The following TSPYL2 variants were observed in gnomAD, a reference collection of about 807,000 sequenced individuals.
TSPYL2 encodes testis-specific Y-encoded-like protein 2.
A neutral mutation model predicts 33.0 loss-of-function variants in TSPYL2; 9 were observed. The ratio of observed to expected loss-of-function variants is 0.27; its 90% CI spans 0.16 to 0.48. TSPYL2 has a LOEUF of 0.48. Ranked by LOEUF, TSPYL2 falls within the 20% of genes least tolerant of loss-of-function variation. TSPYL2 has a pLI of 0.99. For missense variants in TSPYL2, 636 were observed against 586.2 expected, an observed-to-expected ratio of 1.08 and a Z score of -0.88; for synonymous variants, 330 against 233.6, an observed-to-expected ratio of 1.41 and a Z score of -3.77.
In TSPYL2 at chrX:53,084,559, C is replaced by T. The variant is rs368837947; in HGVS notation, c.822C>T (p.Pro274=). The T allele has an allele frequency of 9.4e-6, 11 of 1,171,743 alleles. No individual in the cohort carries two copies. Among genetic ancestry groups the T allele is most frequent in the South Asian group, 4.0e-5 (2 of 50,424 alleles). ...GFWVKAFLNH[P]RISILINRRD... ...CCACTCATCAGTTCCTCAACCACCC[C>T]AGAATTTCAATTTTGATCAACCGAC... is the stretch of plus-strand genomic sequence containing the variant. The change falls in exon 2 of 7, where the codon CCC becomes CCT. Residue 274 remains proline, a synonymous_variant. Coordinates refer to ENST00000375442, the MANE Select transcript of TSPYL2 (RefSeq NM_022117.4).
chrX:53,085,991 C>A lies in TSPYL2; in HGVS notation c.1599C>A (p.Asn533Lys), dbSNP rs782532031. Residue 533 changes from asparagine to lysine, a missense_variant, in exon 6 of 7, where the codon AAC becomes AAA. Physicochemically the swap from Asn to Lys is moderately conservative, Grantham distance 94. This residue lies in a region of TSPYL2 where 401 missense variants were observed against 363.0 expected (regional missense o/e 1.10). Transcript: ENST00000375442. ...CTGATGACAACGAAGAGAACCCTAA[C>A]AACAACGAGAACACTTACGGCAACA... is the stretch of plus-strand genomic sequence containing the variant. ...KNTDDNEENPNNNENTYGNNF... is the reference protein window; with the variant it reads ...KNTDDNEENPKNNENTYGNNF... 5.1e-6 allele frequency: 6 copies of A among 1,187,256 alleles called. No individual in the cohort carries two copies. In the African/African-American group the frequency reaches 7.0e-5, roughly 14 times the overall value.
chrX:53,087,554 C>G, intron 6 of TSPYL2: 1 of 415,466 alleles, frequency 2.4e-6, no homozygotes, highest in Non-Finnish European at 4.2e-6. Flanking sequence ...GCAGGGATCC[C>G]ACACTGCCTT....
Position 53,087,740 on chromosome X carries a change from C to T in TSPYL2, c.1919-36C>T, listed in dbSNP as rs1287677796. ...ACCTATCTGCTCATCTAACTGCCTT[C>T]CTCCATTTCCCCTTCCTTGCTTCTC... is the stretch of plus-strand genomic sequence containing the variant. On this transcript the variant is annotated intron_variant, in intron 6 of 6. Coordinates refer to ENST00000375442, the MANE Select transcript of TSPYL2 (RefSeq NM_022117.4). 9 of 1,176,575 alleles carry T rather than the reference C, an allele frequency of 7.6e-6. No individual in the cohort carries two copies. The East Asian group carries it at 2.8e-4, about 36-fold the overall frequency.
chrX:53,082,594 G>A lies in TSPYL2; in HGVS notation c.96G>A (p.Pro32=). ...ACCCGCCCCCGCCGCCGCCGCCGCC[G>A]CCGCTCCTCCGACTGCCGCTGCCTC... ...QRDPPPPPPP[P]PLLRLPLPPP... Residue 32 remains proline (P), a synonymous_variant, in exon 1 of 7, where the codon CCG becomes CCA. Coordinates refer to ENST00000375442, the MANE Select transcript of TSPYL2 (RefSeq NM_022117.4). 2 of 1,153,017 alleles carry A rather than the reference G, an allele frequency of 1.7e-6. No homozygotes were observed. The highest frequency in any genetic ancestry group is 2.3e-6 in the Non-Finnish European group (2 of 870,043).
intron 6 of TSPYL2, 92 bp from the exon 7 acceptor site, chrX:53,087,684 G>A: frequency 1.0e-6 from 1 of 1,003,401 alleles, no homozygotes; most frequent in Non-Finnish European, 1.4e-6. Context: ...TAAAAACCCT[G>A]GCTATGGTCT....
At position 53,082,869 on chromosome X, in the gene TSPYL2, CG is replaced by C. The variant is rs782157673; in HGVS notation, c.378del (p.Ser127AlafsTer20). 1 of 1,209,016 alleles carries C rather than the reference CG, an allele frequency of 8.3e-7. No individual in the cohort carries two copies. The highest frequency in any genetic ancestry group is 1.1e-6 in the Non-Finnish European group (1 of 894,542). On this transcript the variant is annotated frameshift_variant, in exon 1 of 7. Coordinates refer to ENST00000375442, the MANE Select transcript of TSPYL2 (RefSeq NM_022117.4). LOFTEE classifies it high-confidence loss of function. ...GAAGCACTCCCCACTCCTGAGGCCT[CG>C]GGGGGGAGCCTGGAAATCGATTTTC... ...SLEALPTPEASGGSLEIDFQV... is the reference protein window; with the variant it reads ...SLEALPTPEAXGGSLEIDFQV...
chrX:53,084,660 C>T (rs1487303813), intron 2 of TSPYL2, 38 bp downstream of exon 2: 5 of 1,192,653 alleles, frequency 4.2e-6, no homozygotes, highest in Non-Finnish European at 4.5e-6. Context: ...GGATCGGGCA[C>T]GAATCTGGTT....
In TSPYL2 at chrX:53,085,770, G is replaced by A. The variant is rs1556808386; in HGVS notation, c.1378G>A (p.Asp460Asn). ...GATCTCTGACTTCATGGAGACCACC[G>A]ACTACTTCGAGACCACTGACAATGA... ...IKISDFMETTDYFETTDNEIT... is the reference protein window; with the variant it reads ...IKISDFMETTNYFETTDNEIT... Residue 460 changes from aspartate (D) to asparagine (N), a missense_variant, in exon 6 of 7, where the codon GAC becomes AAC. By Grantham distance (23) the Asp-to-Asn change is conservative (BLOSUM62 1). Transcript: ENST00000375442. 6 of 1,211,343 alleles carry A rather than the reference G, an allele frequency of 5.0e-6. No individual in the cohort carries two copies. The East Asian group carries it at 1.2e-4, about 24-fold the overall frequency.
chrX:53,083,327 C>T (rs372502612), intron 1 of TSPYL2, 22 bp downstream of exon 1: 17 of 1,169,984 alleles, frequency 1.5e-5, no homozygotes, highest in Admixed American at 2.2e-5. Context: ...ATCGATACTC[C>T]GTAGGTCAGA....
At chrX:53,083,837 T>C (rs1164935446) in intron 1 of TSPYL2, among the ~76,000 whole-genome samples, 1 of 110,602 alleles carries the variant, frequency 9.0e-6, no homozygotes, top group Non-Finnish European at 1.9e-5. Context: ...GTGCCTTGCA[T>C]TGGAGGGAGG....
Position 53,087,957 on chromosome X carries a change from G to T in TSPYL2, c.*18G>T. The T allele has an allele frequency of 8.3e-7, 1 of 1,205,572 alleles. No homozygotes were observed. Among genetic ancestry groups the T allele is most frequent in the Non-Finnish European group, 1.1e-6 (1 of 891,477 alleles). On this transcript the variant is annotated 3_prime_UTR_variant, in exon 7 of 7. Coordinates refer to ENST00000375442, the MANE Select transcript of TSPYL2 (RefSeq NM_022117.4). Reference sequence around the variant, plus strand: ...CCGGATAAGGGTTTTCCCCTTTTGGGGATCACCTCTCTGTATCCCCCACCC... The same window carrying T: ...CCGGATAAGGGTTTTCCCCTTTTGGTGATCACCTCTCTGTATCCCCCACCC...
At position 53,084,946 on chromosome X, in the gene TSPYL2, C is replaced by G. The variant is rs782424089; in HGVS notation, c.998-8C>G. 3 of 1,208,726 alleles carry G rather than the reference C, an allele frequency of 2.5e-6. No homozygotes were observed. Among genetic ancestry groups the G allele is most frequent in the Non-Finnish European group, 3.4e-6 (3 of 893,553 alleles). ...TTGTCCCATCTCCATAGCCTTCTCT[C>G]TCCCTAGGCCGGCTGGTGTCTCACT... On this transcript the variant is annotated splice_region_variant and splice_polypyrimidine_tract_variant and intron_variant, in intron 3 of 6. Transcript: ENST00000375442.
intron 1 of TSPYL2, 57 bp from the exon 2 acceptor site, chrX:53,084,488 C>T (rs1192502984): frequency 9.8e-7 from 1 of 1,025,115 alleles, no homozygotes. Context: ...TCCTGGCCTT[C>T]CCTCCCTCCC....
chrX:53,088,364 C>G lies in TSPYL2; in HGVS notation c.*425C>G, dbSNP rs113408339. On this transcript the variant is annotated 3_prime_UTR_variant, in exon 7 of 7. Transcript: ENST00000375442. The stretch of plus-strand genomic sequence containing the variant: ...GGAGGCGCTGCTGCCACCTTCCTCT[C>G]CCAAGTTCTTTCTCCATCCCTCTCC... The G allele has an allele frequency of 5.4e-5, 7 of 129,472 alleles. No homozygotes were observed. The highest frequency in any genetic ancestry group is 2.2e-4 in the African/African-American group (7 of 31,746). 10.7% of individuals were successfully genotyped at this position (129,472 alleles called of 1,213,427 possible). A position where few individuals can be genotyped will look rare whatever the true frequency, so the allele number is the denominator to read the frequency against.
Position 53,082,635 on chromosome X carries a change from C to T in TSPYL2, c.137C>T (p.Pro46Leu). Residue 46 changes from proline to leucine, a missense_variant, in exon 1 of 7, where the codon CCG becomes CTG. Transcript: ENST00000375442. ...RLPLPPPQQR[P>L]RLQEETEAAQ... The stretch of plus-strand genomic sequence containing the variant: ...CCGCTGCCTCCACCCCAGCAGCGCC[C>T]GAGGCTCCAGGAGGAAACGGAGGCG... 1.5e-5 allele frequency: 17 copies of T among 1,155,700 alleles called. No individual in the cohort carries two copies. Among genetic ancestry groups the T allele is most frequent in the Non-Finnish European group, 2.0e-5 (17 of 870,333 alleles).
At chrX:53,084,718 G>C (rs782762035) in intron 2 of TSPYL2, 37 bp from the exon 3 acceptor site, 25 of 1,186,295 alleles carry the variant, frequency 2.1e-5, no homozygotes, top group Middle Eastern at 4.7e-4. Context: ...TGTGTTGGGG[G>C]GGGGACAGAT....
Position 53,082,904 on chromosome X carries a change from C to G in TSPYL2, c.406C>G (p.Gln136Glu), listed in dbSNP as rs782314641. 13 of 1,208,549 alleles carry G rather than the reference C, an allele frequency of 1.1e-5. No individual in the cohort carries two copies. In the Admixed American group the frequency reaches 2.6e-4, roughly 24 times the overall value. ...CCTGGAAATCGATTTTCAGGTTGTA[C>G]AGTCGAGCAGTTTTGGTGGAGAGGG... ...GSLEIDFQVVQSSSFGGEGAL... is the reference protein window; with the variant it reads ...GSLEIDFQVVESSSFGGEGAL... The change falls in exon 1 of 7, where the codon CAG (glutamine) becomes GAG (glutamate). Residue 136 changes from glutamine to glutamate, a missense_variant. Physicochemically the swap from Gln to Glu is conservative, Grantham distance 29. This residue lies in a region of TSPYL2 where 231 missense variants were observed against 201.6 expected (regional missense o/e 1.15). Coordinates refer to ENST00000375442, the MANE Select transcript of TSPYL2 (RefSeq NM_022117.4).
Position 53,082,574 on chromosome X carries a change from C to T in TSPYL2, c.76C>T (p.Pro26Ser), listed in dbSNP as rs1305586848. 2.6e-6 allele frequency: 3 copies of T among 1,150,859 alleles called. No individual in the cohort carries two copies. Among genetic ancestry groups the T allele is most frequent in the Non-Finnish European group, 3.4e-6 (3 of 870,017 alleles). The allele number at this position is 1,150,859 out of a possible 1,213,427, so 94.8% of individuals were successfully genotyped here. The change falls in exon 1 of 7, where the codon CCC (proline) becomes TCC (serine). Residue 26 changes from proline (P) to serine (S), a missense_variant. Around this residue, in one of 3 missense-constraint regions of TSPYL2, gnomAD observed 231 missense variants for 201.6 expected, o/e 1.15. Coordinates refer to ENST00000375442, the MANE Select transcript of TSPYL2 (RefSeq NM_022117.4). The part of the protein sequence containing the change: ...SSSESPQRDP[P>S]PPPPPPPLLR... ...CTCCGAGTCTCCACAGCGCGACCCG[C>T]CCCCGCCGCCGCCGCCGCCGCCGCT... is the stretch of plus-strand genomic sequence containing the variant.
In TSPYL2 at chrX:53,085,092, T is replaced by C. The variant is rs781976001; in HGVS notation, c.1136T>C (p.Ile379Thr). ...CATAGCCTCCCAGAGGCTGACAGGA[T>C]TGCTGAGGTGGGGCCCTTCCTGGCA... ...SNHSLPEADR[I>T]AEIIKNDLWV... The change falls in exon 4 of 7, where the codon ATT (isoleucine) becomes ACT (threonine). Residue 379 changes from isoleucine to threonine, a missense_variant. Transcript: ENST00000375442. 1 of 1,206,673 alleles carries C rather than the reference T, an allele frequency of 8.3e-7. No individual in the cohort carries two copies. Among genetic ancestry groups the C allele is most frequent in the Non-Finnish European group, 1.1e-6 (1 of 892,456 alleles).
Sources: gnomAD v4.1 joint callset for allele counts (sites outside exome capture counted in the v4.1 genomes callset) on GRCh38, gnomAD v4.1.1 for gene constraint, gnomAD v4.1.1 regional missense constraint, MANE v1.5 for transcripts, NCBI Gene and HGNC (gene_info 2026-07-23, HGNC 2026-07-21) for gene names.